The following NCKAP5 variants were observed in gnomAD, a reference collection of about 807,000 sequenced individuals.
NCKAP5 encodes the protein NCK associated protein 5.
In NCKAP5, 92 loss-of-function variants were observed where a neutral mutation model predicts 167.0. The observed-to-expected ratio is 0.55, with a 90% confidence interval of 0.47 to 0.66. NCKAP5 has a LOEUF of 0.66. NCKAP5 is among the 30% of genes least tolerant of loss of function. The pLI, the probability that NCKAP5 is intolerant of heterozygous loss-of-function variation, is 0.00. For missense variants in NCKAP5, 2,378 were observed against 2,315.0 expected (o/e 1.03, Z -0.56); for synonymous variants, 891 against 877.4 (o/e 1.02, Z -0.27).
intron 8 of NCKAP5, among the ~76,000 whole-genome samples, chr2:132,945,557 T>C (rs1226178498): frequency 6.6e-6 from 1 of 151,984 alleles, no homozygotes; most frequent in Admixed American, 6.6e-5. Flanking sequence ...GATAAGACAC[T>C]AAGAGCCCAC....
chr2:133,429,676 C>T (rs921926085), intron 3 of NCKAP5, among the ~76,000 whole-genome samples: 8 of 120,530 alleles, frequency 6.6e-5, no homozygotes, highest in Non-Finnish European at 1.3e-4. Flanking sequence ...TAGTATTCCA[C>T]GGTGTTTATG....
intron 3 of NCKAP5, among the ~76,000 whole-genome samples, chr2:133,487,082 G>A (rs1680969886): frequency 6.6e-6 from 1 of 152,126 alleles, no homozygotes; most frequent in African/African-American, 2.4e-5. Flanking sequence ...CCTGTTTGGA[G>A]AACTCAGTAA....
chr2:132,970,098 A>G (rs1337962235), intron 7 of NCKAP5, among the ~76,000 whole-genome samples: 1 of 152,224 alleles, frequency 6.6e-6, no homozygotes, highest in African/African-American at 2.4e-5. Context: ...TACCCTATCC[A>G]CAGATCACCA....
At chr2:132,976,976 A>T (rs1188724153) in intron 7 of NCKAP5, among the ~76,000 whole-genome samples, 1 of 152,204 alleles carries the variant, frequency 6.6e-6, no homozygotes, top group Non-Finnish European at 1.5e-5. Flanking sequence ...CTGCTTCTAT[A>T]AAGAAAGAAT....
rs202172054 is a variant in NCKAP5 at position 132,933,333 on chromosome 2, G to T, written c.579+30387C>A. Among the ~76,000 whole-genome samples, 40 of 152,266 alleles carry T rather than the reference G, an allele frequency of 2.6e-4. No homozygotes were observed. In the East Asian group the frequency reaches 7.5e-3, roughly 29 times the overall value. On this transcript the variant is annotated intron_variant, in intron 8 of 19. Transcript: ENST00000409261. ...CTCTCTGTCTCTCCCATTAGACCAT[G>T]AGTGAGGGTAGAGGAACTGGGTCTC...
chr2:133,588,313 C>T, the NCKAP5 span, among the ~76,000 whole-genome samples: 1 of 120,016 alleles, frequency 8.3e-6, no homozygotes, highest in East Asian at 3.0e-4. Context: ...CTCCCTCCCT[C>T]CCCCTTCCTC....
chr2:133,152,392 A>T (rs1003994627), intron 5 of NCKAP5, among the ~76,000 whole-genome samples: 1 of 152,118 alleles, frequency 6.6e-6, no homozygotes, highest in African/African-American at 2.4e-5. Flanking sequence ...GTAAGATTAA[A>T]CTCTAAACCA....
chr2:133,126,925 G>T (rs1460757401), intron 6 of NCKAP5, among the ~76,000 whole-genome samples: 2 of 151,894 alleles, frequency 1.3e-5, no homozygotes, highest in East Asian at 3.9e-4. Context: ...TTTATTGTAA[G>T]CCATACCACA....
At chr2:133,548,762 C>T (rs560321531) in intron 2 of NCKAP5, among the ~76,000 whole-genome samples, 34 of 152,186 alleles carry the variant, frequency 2.2e-4, no homozygotes, top group Middle Eastern at 3.4e-3. Flanking sequence ...CGGTACCAGC[C>T]GCTGCAAAAT....
chr2:133,653,016 C>T, the NCKAP5 span, among the ~76,000 whole-genome samples: 2 of 152,216 alleles, frequency 1.3e-5, no homozygotes, highest in Admixed American at 1.3e-4. Flanking sequence ...ACCACATTCA[C>T]ATCAGGCTTT....
chr2:132,963,515 C>T (rs1340567833), intron 8 of NCKAP5, among the ~76,000 whole-genome samples: 1 of 152,164 alleles, frequency 6.6e-6, no homozygotes, highest in African/African-American at 2.4e-5. Flanking sequence ...GCCCTATGTA[C>T]TCCTTTTAAA....
At chr2:133,029,905 A>C (rs1050817998) in intron 6 of NCKAP5, among the ~76,000 whole-genome samples, 8 of 152,108 alleles carry the variant, frequency 5.3e-5, no homozygotes, top group African/African-American at 1.9e-4. Context: ...GTTTACAAGG[A>C]TTTTTCTGGT....
At chr2:132,831,469 C>T (rs2069250909) in intron 11 of NCKAP5, among the ~76,000 whole-genome samples, 1 of 152,050 alleles carries the variant, frequency 6.6e-6, no homozygotes, top group African/African-American at 2.4e-5. Context: ...TGTTTGATTG[C>T]TGTTTTATTT....
At position 132,860,490 on chromosome 2, in the gene NCKAP5, AC is replaced by A; in HGVS notation, c.807+1del. 6.4e-7 allele frequency: 1 copy of A among 1,566,796 alleles called. No homozygotes were observed. Among genetic ancestry groups the A allele is most frequent in the Non-Finnish European group, 8.7e-7 (1 of 1,153,790 alleles). On this transcript the variant is annotated splice_donor_variant, in intron 11 of 19. Transcript: ENST00000409261. LOFTEE classifies it high-confidence loss of function. ...AAGATTGTTTTCCAGATAAACACAT[AC>A]CTGGAGGAGCAGATCAGAAGTGGGT...
intron 5 of NCKAP5, among the ~76,000 whole-genome samples, chr2:133,179,242 T>C (rs1359320694): frequency 6.6e-6 from 1 of 152,032 alleles, no homozygotes; most frequent in African/African-American, 2.4e-5. Context: ...GTTTTTTTTT[T>C]TTTTTGGATT....
At chr2:132,717,247 A>T (rs1249397729) in intron 19 of NCKAP5, among the ~76,000 whole-genome samples, 1 of 152,198 alleles carries the variant, frequency 6.6e-6, no homozygotes, top group Non-Finnish European at 1.5e-5. Context: ...AAAATAAAGC[A>T]AACCTTTAAA....
chr2:132,941,217 G>A (rs1382679046), intron 8 of NCKAP5, among the ~76,000 whole-genome samples: 2 of 152,174 alleles, frequency 1.3e-5, no homozygotes, highest in Admixed American at 6.5e-5. Flanking sequence ...ACTAGAGAAT[G>A]TATTCAGGGA....
At chr2:133,012,588 T>C (rs72842412) in intron 6 of NCKAP5, among the ~76,000 whole-genome samples, 54,481 of 151,964 alleles carry the variant, frequency 0.36, 12,381 homozygotes, top group Non-Finnish European at 0.51. Flanking sequence ...TGGCTTTTTC[T>C]GCATCTTTCT....
intron 5 of NCKAP5, among the ~76,000 whole-genome samples, chr2:133,145,054 A>C (rs754993676): frequency 5.9e-5 from 9 of 152,114 alleles, no homozygotes; most frequent in Non-Finnish European, 8.8e-5. Flanking sequence ...ATGAGATTTA[A>C]TGTTGACAGA....
Sources: allele counts gnomAD v4.1 joint callset (sites outside exome capture counted in the v4.1 genomes callset), GRCh38; gene constraint gnomAD v4.1.1; transcripts MANE v1.5; gene names NCBI Gene and HGNC (gene_info 2026-07-23, HGNC 2026-07-21).